AGBL4: variants seen among roughly 807,000 people sequenced by gnomAD.
AGBL4 encodes the protein cytosolic carboxypeptidase 6.
AGBL4 carries 58 observed loss-of-function variants against 66.4 expected under a neutral mutation model. The observed-to-expected ratio is 0.87, with a 90% CI of 0.71 to 1.09. The LOEUF is 1.09. Ranked by LOEUF, AGBL4 falls within the 50% of genes least tolerant of loss-of-function variation. The probability of loss-of-function intolerance (pLI) is 0.00; values close to 1 mark genes in which losing one functional copy is unlikely to be tolerated. For missense variants in AGBL4, 579 were observed against 631.0 expected, an observed-to-expected ratio of 0.92 and a Z score of 0.88; for synonymous variants, 234 against 222.9, an observed-to-expected ratio of 1.05 and a Z score of -0.44.
intron 3 of AGBL4, among the ~76,000 whole-genome samples, chr1:49,688,628 A>T (rs1646829660): frequency 6.6e-6 from 1 of 152,122 alleles, no homozygotes; most frequent in African/African-American, 2.4e-5. Context: ...GTAGCTCTAC[A>T]GATTTTTGAA....
intron 3 of AGBL4, among the ~76,000 whole-genome samples, chr1:49,248,142 T>C (rs575889717): frequency 4.6e-5 from 7 of 152,302 alleles, no homozygotes; most frequent in Admixed American, 1.3e-4. Context: ...ATTTTGTACT[T>C]AATCATTAGT....
intron 4 of AGBL4, among the ~76,000 whole-genome samples, chr1:49,168,175 A>T (rs972916910): frequency 6.6e-5 from 10 of 152,046 alleles, no homozygotes; most frequent in East Asian, 1.9e-4. Context: ...ATTTTTTTTT[A>T]AATAAATTCT....
At chr1:49,680,713 C>T (rs1646676746) in intron 3 of AGBL4, among the ~76,000 whole-genome samples, 1 of 151,750 alleles carries the variant, frequency 6.6e-6, no homozygotes, top group African/African-American at 2.4e-5. Context: ...TTGGGTTTAT[C>T]CTGCTTTGAG....
chr1:49,409,077 C>A (rs1248254063), intron 3 of AGBL4, among the ~76,000 whole-genome samples: 1 of 151,482 alleles, frequency 6.6e-6, no homozygotes, highest in Non-Finnish European at 1.5e-5. Flanking sequence ...TCTTTTCATT[C>A]TAAATCCCTT....
chr1:49,496,488 G>A (rs1022384936), intron 3 of AGBL4, among the ~76,000 whole-genome samples: 12 of 151,624 alleles, frequency 7.9e-5, no homozygotes, highest in Non-Finnish European at 1.6e-4. Context: ...CCTCCTAACC[G>A]AAATTTTGTA....
intron 3 of AGBL4, among the ~76,000 whole-genome samples, chr1:49,408,189 A>G (rs546210320): frequency 6.6e-6 from 1 of 152,342 alleles, no homozygotes; most frequent in South Asian, 2.1e-4. Flanking sequence ...GAGACTCTAG[A>G]ACTCTCACAC....
chr1:49,461,244 T>C (rs1427017810), intron 3 of AGBL4, among the ~76,000 whole-genome samples: 3 of 151,628 alleles, frequency 2.0e-5, no homozygotes, highest in African/African-American at 7.2e-5. Flanking sequence ...CAATTATTCT[T>C]AGGTTTGGAT....
intron 9 of AGBL4, among the ~76,000 whole-genome samples, chr1:48,629,489 T>C (rs763822337): frequency 3.3e-5 from 5 of 152,140 alleles, no homozygotes; most frequent in Non-Finnish European, 7.4e-5. Flanking sequence ...AAAACTGATA[T>C]CTTTACCACC....
At chr1:48,829,484 T>C (rs1394819845) in intron 6 of AGBL4, among the ~76,000 whole-genome samples, 2 of 152,120 alleles carry the variant, frequency 1.3e-5, no homozygotes, top group Non-Finnish European at 2.9e-5. Context: ...ATTACTGAGA[T>C]AGGAATGTGC....
chr1:49,789,994 T>G (rs564978348), intron 2 of AGBL4, among the ~76,000 whole-genome samples: 2 of 151,966 alleles, frequency 1.3e-5, no homozygotes, highest in African/African-American at 4.8e-5. Flanking sequence ...TATAGACCAA[T>G]GGAACAGAAG....
At chr1:49,666,116 C>T (rs1646362236) in intron 3 of AGBL4, among the ~76,000 whole-genome samples, 1 of 152,046 alleles carries the variant, frequency 6.6e-6, no homozygotes, top group Non-Finnish European at 1.5e-5. Flanking sequence ...ACCACCACAC[C>T]TAGCTTTAAG....
At chr1:48,598,637 C>T (rs1351093567) in intron 9 of AGBL4, among the ~76,000 whole-genome samples, 1 of 152,088 alleles carries the variant, frequency 6.6e-6, no homozygotes, top group Non-Finnish European at 1.5e-5. Flanking sequence ...ATTAGCTGGG[C>T]ATAATGGTGC....
chr1:49,516,377 CAAAT>C (rs1649825946), intron 3 of AGBL4, among the ~76,000 whole-genome samples: 2 of 151,866 alleles, frequency 1.3e-5, no homozygotes, highest in South Asian at 4.1e-4. Context: ...AAACTGAGCC[CAAAT>C]AAATAGATGT....
At chr1:48,906,638 G>A (rs1299413586) in intron 5 of AGBL4, among the ~76,000 whole-genome samples, 1 of 152,136 alleles carries the variant, frequency 6.6e-6, no homozygotes, top group Non-Finnish European at 1.5e-5. Context: ...TGCTGGTAAT[G>A]ACATTGTATG....
At chr1:49,293,921 T>C (rs1210837606) in intron 3 of AGBL4, among the ~76,000 whole-genome samples, 2 of 152,208 alleles carry the variant, frequency 1.3e-5, no homozygotes, top group Non-Finnish European at 2.9e-5. Flanking sequence ...GCTGAAATAT[T>C]ACAAAGCCCT....
intron 3 of AGBL4, among the ~76,000 whole-genome samples, chr1:49,606,054 T>C (rs1180873166): frequency 6.6e-6 from 1 of 152,092 alleles, no homozygotes; most frequent in African/African-American, 2.4e-5. Flanking sequence ...GATTCCACTA[T>C]AAACACTATA....
chr1:48,531,025 T>TA (rs1373002687), downstream of AGBL4, among the ~76,000 whole-genome samples: 1 of 152,122 alleles, frequency 6.6e-6, no homozygotes, highest in East Asian at 1.9e-4. Context: ...CTTGAGGTCA[T>TA]AGGTATAACC....
intron 3 of AGBL4, among the ~76,000 whole-genome samples, chr1:49,673,562 A>G (rs1646521427): frequency 6.6e-6 from 1 of 152,226 alleles, no homozygotes; most frequent in African/African-American, 2.4e-5. Context: ...CATCTCATGT[A>G]CTGCATAAAT....
intron 1 of AGBL4, among the ~76,000 whole-genome samples, chr1:49,871,912 C>A (rs1646847166): frequency 6.6e-6 from 1 of 151,930 alleles, no homozygotes; most frequent in Admixed American, 6.6e-5. Context: ...ATAATCAGCT[C>A]TAGAAATCTG....
Sources: gnomAD v4.1 joint callset for allele counts (sites outside exome capture counted in the v4.1 genomes callset) on GRCh38, gnomAD v4.1.1 for gene constraint, MANE v1.5 for transcripts, NCBI Gene and HGNC (gene_info 2026-07-23, HGNC 2026-07-21) for gene names.